The following MYO10 variants were observed in gnomAD, a reference collection of about 807,000 sequenced individuals.
MYO10 encodes the protein unconventional myosin-X.
A neutral mutation model predicts 257.3 loss-of-function variants in MYO10; 133 were observed. The ratio of observed to expected loss-of-function variants is 0.52; its 90% CI spans 0.45 to 0.60. MYO10 has a LOEUF of 0.60. Among genes scored for constraint, MYO10 ranks in the 20% least tolerant of loss-of-function variants. The probability of loss-of-function intolerance (pLI) is 0.00; values close to 1 mark genes in which losing one functional copy is unlikely to be tolerated. For missense variants in MYO10, 2,399 were observed against 2,635.7 expected (o/e 0.91, Z 1.97); for synonymous variants, 1,104 against 1,028.6 (o/e 1.07, Z -1.40).
intron 11 of MYO10, 65 bp from the exon 12 acceptor site, chr5:16,764,461 A>G: frequency 6.3e-7 from 1 of 1,581,140 alleles, no homozygotes; most frequent in East Asian, 2.2e-5. Flanking sequence ...AAGGCCATCC[A>G]TTCCCCACTT....
chr5:16,790,981 G>A (rs924814159), intron 4 of MYO10, among the ~76,000 whole-genome samples: 1 of 151,080 alleles, frequency 6.6e-6, no homozygotes, highest in East Asian at 1.9e-4. Context: ...ACACAAAAAT[G>A]GCAAAATTAA....
At chr5:16,691,428 G>A (rs1737498994) in intron 27 of MYO10, among the ~76,000 whole-genome samples, 1 of 151,984 alleles carries the variant, frequency 6.6e-6, no homozygotes, top group Non-Finnish European at 1.5e-5. Flanking sequence ...GCCGGGCGTG[G>A]CGGCTCATGC....
intron 19 of MYO10, among the ~76,000 whole-genome samples, chr5:16,734,987 C>A (rs531146803): frequency 7.9e-5 from 12 of 152,224 alleles, no homozygotes; most frequent in South Asian, 6.2e-4. Context: ...TCTGTACTCC[C>A]TTCCCTGATG....
intron 2 of MYO10, among the ~76,000 whole-genome samples, chr5:16,845,864 T>G (rs1743621455): frequency 6.6e-6 from 1 of 151,842 alleles, no homozygotes; most frequent in Non-Finnish European, 1.5e-5. Context: ...CTCGGGAGGC[T>G]GAGGCAGGAG....
chr5:16,882,420 C>G (rs1744780062), intron 1 of MYO10, among the ~76,000 whole-genome samples: 1 of 151,998 alleles, frequency 6.6e-6, no homozygotes, highest in African/African-American at 2.4e-5. Flanking sequence ...TAGTTGTTTA[C>G]TCAAAAAAAA....
intron 26 of MYO10, among the ~76,000 whole-genome samples, chr5:16,695,677 C>A (rs1737713107): frequency 6.9e-6 from 1 of 144,564 alleles, no homozygotes; most frequent in Non-Finnish European, 1.5e-5. Context: ...TCAAGATCAA[C>A]ATCTGACACA....
At chr5:16,742,413 A>C (rs1740048054) in intron 19 of MYO10, among the ~76,000 whole-genome samples, 1 of 152,216 alleles carries the variant, frequency 6.6e-6, no homozygotes, top group Non-Finnish European at 1.5e-5. Context: ...AAAGGTAAAA[A>C]GGCAGCTTTT....
intron 1 of MYO10, among the ~76,000 whole-genome samples, chr5:16,932,369 C>T (rs942028097): frequency 2.0e-5 from 3 of 152,166 alleles, no homozygotes; most frequent in African/African-American, 7.2e-5. Context: ...AGGCACTGTA[C>T]TTGGCCCTGA....
intron 2 of MYO10, among the ~76,000 whole-genome samples, chr5:16,869,619 C>A (rs894348162): frequency 6.6e-6 from 1 of 151,914 alleles, no homozygotes; most frequent in Admixed American, 6.6e-5. Context: ...AATCCCAGCA[C>A]TTTGGGAAGC....
At position 16,891,132 on chromosome 5, in the gene MYO10, T is replaced by A. The variant is rs921231449; in HGVS notation, c.22-13425A>T. Reference sequence around the variant, plus strand: ...ACCCAGTCTCCACTAAAACATAACATTAGAAAATTAGCCAGGCGCGGTAGC... The same window carrying A: ...ACCCAGTCTCCACTAAAACATAACAATAGAAAATTAGCCAGGCGCGGTAGC... On this transcript the variant is annotated intron_variant, in intron 1 of 40. Transcript: ENST00000513610. Among the ~76,000 whole-genome samples the A allele has an allele frequency of 9.3e-5, 14 of 151,350 alleles. 1 individual carries two copies. The highest frequency in any genetic ancestry group is 3.4e-4 in the African/African-American group (14 of 40,848).
intron 1 of MYO10, among the ~76,000 whole-genome samples, chr5:16,891,141 T>C (rs1745037098): frequency 6.6e-6 from 1 of 151,510 alleles, no homozygotes; most frequent in Non-Finnish European, 1.5e-5. Flanking sequence ...ATTAGAAAAT[T>C]AGCCAGGCGC....
intron 2 of MYO10, among the ~76,000 whole-genome samples, chr5:16,825,243 T>C (rs1024917680): frequency 3.9e-5 from 6 of 152,192 alleles, no homozygotes; most frequent in Non-Finnish European, 5.9e-5. Context: ...AAGACACCAG[T>C]GGTCTTGCCC....
At chr5:16,691,648 G>A (rs545483104) in intron 27 of MYO10, among the ~76,000 whole-genome samples, 3 of 150,254 alleles carry the variant, frequency 2.0e-5, no homozygotes, top group South Asian at 2.1e-4. Flanking sequence ...GCAGTGAGCC[G>A]ACATGGTGCC....
rs1737226399 is a variant in MYO10 at position 16,685,779 on chromosome 5, G to T, written c.3949C>A (p.Gln1317Lys). ...TTTGCCTGCTCATCATGCATCTCCT[G>T]GATCTCCTGGTCCGTGGACGCGTGG... ...QVHASTDQEI[Q>K]EMHDEQANPQ... The change falls in exon 29 of 41, where the codon CAG becomes AAG. Residue 1317 changes from glutamine (Q) to lysine (K), a missense_variant. Physicochemically the swap from Gln to Lys is moderately conservative, Grantham distance 53. Around this residue, in one of 3 missense-constraint regions of MYO10, gnomAD observed 1,820 missense variants for 1,939.4 expected, o/e 0.94. Transcript: ENST00000513610. 1 of 1,602,992 alleles carries T rather than the reference G, an allele frequency of 6.2e-7. No individual in the cohort carries two copies. Among genetic ancestry groups the T allele is most frequent in the Non-Finnish European group, 8.5e-7 (1 of 1,176,104 alleles).
chr5:16,808,576 A>G (rs1196096953), intron 3 of MYO10, among the ~76,000 whole-genome samples: 2 of 152,232 alleles, frequency 1.3e-5, no homozygotes, highest in Non-Finnish European at 2.9e-5. Context: ...CAAGCTGTTA[A>G]CTGAAGTCAA....
chr5:16,724,368 C>G (rs537459681), intron 19 of MYO10, among the ~76,000 whole-genome samples: 1 of 151,994 alleles, frequency 6.6e-6, no homozygotes, highest in Non-Finnish European at 1.5e-5. Flanking sequence ...ACTGTTGGAG[C>G]GAGAATTTTG....
At chr5:16,790,194 T>C (rs1741711557) in intron 4 of MYO10, among the ~76,000 whole-genome samples, 1 of 152,018 alleles carries the variant, frequency 6.6e-6, no homozygotes, top group African/African-American at 2.4e-5. Context: ...CACTCAAGTT[T>C]TGAAAAACCA....
chr5:16,738,170 C>G lies in MYO10; in HGVS notation c.1929+16658G>C, dbSNP rs1022834416. 1.1e-5 allele frequency: 11 copies of G among 985,280 alleles called. No individual in the cohort carries two copies. In the African/African-American group the frequency reaches 1.9e-4, roughly 17 times the overall value. 61.0% of individuals were successfully genotyped at this position (985,280 alleles called of 1,614,324 possible). A position where few individuals can be genotyped will look rare whatever the true frequency, so the allele number is the denominator to read the frequency against. ...AGCTGAAGGAGAGAAGCCAGTGTTTCTTTTGGAGCCCAGCGAGTGAGAAAC... is the reference window on the plus strand; with the variant it reads ...AGCTGAAGGAGAGAAGCCAGTGTTTGTTTTGGAGCCCAGCGAGTGAGAAAC... On this transcript the variant is annotated intron_variant, in intron 19 of 40. Transcript: ENST00000513610.
rs189801512 is a variant in MYO10 at position 16,891,606 on chromosome 5, A to C, written c.22-13899T>G. Among the ~76,000 whole-genome samples, 177 of 152,326 alleles carry C rather than the reference A, an allele frequency of 1.2e-3. 1 individual carries two copies. Among genetic ancestry groups the C allele is most frequent in the African/African-American group, 4.0e-3 (167 of 41,570 alleles). ...TAAAAACCACTGAATTATATACTTTAAATGGGTGAATGTCATGATGTGTGA... is the reference window on the plus strand; with the variant it reads ...TAAAAACCACTGAATTATATACTTTCAATGGGTGAATGTCATGATGTGTGA... On this transcript the variant is annotated intron_variant, in intron 1 of 40. Transcript: ENST00000513610.
Sources: gnomAD v4.1 joint callset for allele counts (sites outside exome capture counted in the v4.1 genomes callset) on GRCh38, gnomAD v4.1.1 for gene constraint, gnomAD v4.1.1 regional missense constraint, MANE v1.5 for transcripts, NCBI Gene and HGNC (gene_info 2026-07-23, HGNC 2026-07-21) for gene names.